Variants in ADAMTS2 observed in about 807,000 individuals in gnomAD.
ADAMTS2 encodes the protein A disintegrin and metalloproteinase with thrombospondin motifs 2.
In ADAMTS2, 50 loss-of-function variants were observed where a neutral mutation model predicts 123.0. The observed-to-expected ratio is 0.41, with a 90% confidence interval of 0.32 to 0.51. ADAMTS2 has a LOEUF of 0.51. Ranked by LOEUF, ADAMTS2 falls within the 20% of genes least tolerant of loss-of-function variation. The pLI, the probability that ADAMTS2 is intolerant of heterozygous loss-of-function variation, is 0.35. For missense variants in ADAMTS2, 1,494 were observed against 1,705.2 expected (o/e 0.88, Z 2.18); for synonymous variants, 678 against 695.4 (o/e 0.98, Z 0.39).
intron 3 of ADAMTS2, among the ~76,000 whole-genome samples, chr5:179,270,765 CACGTGGGA>C (rs1766510062): frequency 1.3e-5 from 2 of 152,264 alleles, no homozygotes; most frequent in South Asian, 4.1e-4. Flanking sequence ...AGCCCAGGGC[CACGTGGGA>C]ACGATTAGGT....
intron 4 of ADAMTS2, 38 bp downstream of exon 4, chr5:179,207,475 T>TCCCCCCCCCCCCCCCCCCCCCCCCCCC: frequency 1.7e-6 from 1 of 588,616 alleles, no homozygotes; most frequent in Non-Finnish European, 3.2e-6. Context: ...TGGTTGACCC[T>TCCCCCCCCCCCCCCCCCCCCCCCCCCC]CCCCGCCCCA....
intron 5 of ADAMTS2, among the ~76,000 whole-genome samples, chr5:179,174,090 T>C (rs775288373): frequency 6.6e-5 from 10 of 152,066 alleles, no homozygotes; most frequent in Non-Finnish European, 1.2e-4. Context: ...CCTTAGAATA[T>C]CTGTACTCAT....
intron 10 of ADAMTS2, among the ~76,000 whole-genome samples, chr5:179,149,217 G>A (rs1443457157): frequency 2.0e-5 from 3 of 152,206 alleles, no homozygotes; most frequent in Non-Finnish European, 2.9e-5. Flanking sequence ...CTCATGAGTG[G>A]GACTGATGTC....
intron 2 of ADAMTS2, among the ~76,000 whole-genome samples, chr5:179,327,338 G>A (rs1486237849): frequency 2.6e-5 from 4 of 151,998 alleles, no homozygotes; most frequent in African/African-American, 4.8e-5. Flanking sequence ...TCTCCAGGTT[G>A]TACCACCGAA....
At position 179,180,914 on chromosome 5, in the gene ADAMTS2, A is replaced by T. The variant is rs555992756; in HGVS notation, c.975+158T>A. ...CATTTTAAAACAAGGGGTGAAAGGGAGCAGGGATCTTGTTTCTTATAGGAA... is the reference window on the plus strand; with the variant it reads ...CATTTTAAAACAAGGGGTGAAAGGGTGCAGGGATCTTGTTTCTTATAGGAA... On this transcript the variant is annotated intron_variant, in intron 5 of 21. Transcript: ENST00000251582. The surrounding 1 kb of genome is among the most constrained non-coding windows in gnomAD (Gnocchi z 4.6). 6.6e-6 allele frequency among the ~76,000 whole-genome samples: 1 copy of T among 152,254 alleles called. No individual in the cohort carries two copies. The highest frequency in any genetic ancestry group is 1.9e-4 in the East Asian group (1 of 5,168).
At position 179,245,772 on chromosome 5, in the gene ADAMTS2, A is replaced by AC. The variant is rs1561628327; in HGVS notation, c.688+27138_688+27139insG. Among the ~76,000 whole-genome samples, 11 of 121,332 alleles carry AC rather than the reference A, an allele frequency of 9.1e-5. 1 individual carries two copies. The highest frequency in any genetic ancestry group is 3.0e-4 in the African/African-American group (10 of 33,568). 79.6% of individuals were successfully genotyped at this position (121,332 alleles called of 152,430 possible). A position where few individuals can be genotyped will look rare whatever the true frequency, so the allele number is the denominator to read the frequency against. On this transcript the variant is annotated intron_variant, in intron 3 of 21. Coordinates refer to ENST00000251582, the MANE Select transcript of ADAMTS2 (RefSeq NM_014244.5). ...CAGAGCGAGACTCCGTCTCAAAAAA[A>AC]AAAAAAAAAAAAAAAAAAAAAAACA...
chr5:179,122,422 C>G (rs1762779344), intron 20 of ADAMTS2, among the ~76,000 whole-genome samples: 1 of 152,198 alleles, frequency 6.6e-6, no homozygotes, highest in African/African-American at 2.4e-5. Context: ...TCTGCAGTGC[C>G]CTGAAAGCAG....
intron 3 of ADAMTS2, among the ~76,000 whole-genome samples, chr5:179,268,818 G>T (rs926631744): frequency 2.0e-5 from 3 of 152,218 alleles, no homozygotes; most frequent in Non-Finnish European, 2.9e-5. Flanking sequence ...TCCTCCGCGT[G>T]ACCCAGACGG....
intron 5 of ADAMTS2, among the ~76,000 whole-genome samples, chr5:179,169,613 T>C (rs2113289249): frequency 6.6e-6 from 1 of 152,208 alleles, no homozygotes; most frequent in South Asian, 2.1e-4. Context: ...ATGGGGTGTG[T>C]TTCCCACCTC....
chr5:179,208,752 G>A (rs953440818), intron 3 of ADAMTS2, among the ~76,000 whole-genome samples: 1 of 152,044 alleles, frequency 6.6e-6, no homozygotes, highest in African/African-American at 2.4e-5. Context: ...CCAGTGTCCT[G>A]GAAGCCCCCT....
chr5:179,325,288 G>A (rs1757283086), intron 2 of ADAMTS2, among the ~76,000 whole-genome samples: 1 of 152,192 alleles, frequency 6.6e-6, no homozygotes, highest in Non-Finnish European at 1.5e-5. Context: ...CCTCAAAGTG[G>A]AGGAGCCATG....
intron 18 of ADAMTS2, 152 bp downstream of exon 18, chr5:179,125,846 G>T: frequency 1.6e-6 from 2 of 1,219,226 alleles, no homozygotes; most frequent in South Asian, 1.3e-5. Context: ...CTTCTGCCCT[G>T]CAGCATCTTA....
At chr5:179,196,087 C>T (rs904425793) in intron 4 of ADAMTS2, among the ~76,000 whole-genome samples, 1 of 152,188 alleles carries the variant, frequency 6.6e-6, no homozygotes, top group African/African-American at 2.4e-5. Context: ...CGCCACCATG[C>T]GGTCTCAGCA....
chr5:179,166,836 T>A (rs1763709964), intron 5 of ADAMTS2, among the ~76,000 whole-genome samples: 1 of 152,140 alleles, frequency 6.6e-6, no homozygotes, highest in South Asian at 2.1e-4. Flanking sequence ...ACGCCTGCCC[T>A]CAGTAGCCCC....
Position 179,137,797 on chromosome 5 carries a change from G to A in ADAMTS2, c.1923C>T (p.His641=), listed in dbSNP as rs2113218407. Residue 641 remains histidine, a synonymous_variant, in exon 12 of 22, where the codon CAC becomes CAT. Coordinates refer to ENST00000251582, the MANE Select transcript of ADAMTS2 (RefSeq NM_014244.5). ...DLYFEHGDAQ[H]HWLPHEHRDA... ...CCCGGTGCTCGTGGGGCAGCCAGTG[G>A]TGCTGGGCGTCGCCGTGCTCGAAGT... 6.3e-7 allele frequency: 1 copy of A among 1,579,144 alleles called. No homozygotes were observed. The highest frequency in any genetic ancestry group is 8.6e-7 in the Non-Finnish European group (1 of 1,164,924).
rs1218029446 is a variant in ADAMTS2 at position 179,332,057 on chromosome 5, TC to T, written c.534+11709del. Reference sequence around the variant, plus strand: ...GGGTCCCACAACTCCCTCCTCAGGTTCTGTAATTTGCTATTAGGTTGGTGCA... The same window carrying T: ...GGGTCCCACAACTCCCTCCTCAGGTTTGTAATTTGCTATTAGGTTGGTGCA... On this transcript the variant is annotated intron_variant, in intron 2 of 21. Coordinates refer to ENST00000251582, the MANE Select transcript of ADAMTS2 (RefSeq NM_014244.5). The surrounding 1 kb of genome is among the most constrained non-coding windows in gnomAD (Gnocchi z 4.2). Among the ~76,000 whole-genome samples, 3 of 152,240 alleles carry T rather than the reference TC, an allele frequency of 2.0e-5. No homozygotes were observed. Among genetic ancestry groups the T allele is most frequent in the Non-Finnish European group, 4.4e-5 (3 of 68,042 alleles).
At position 179,197,591 on chromosome 5, in the gene ADAMTS2, G is replaced by C. The variant is rs1451354878; in HGVS notation, c.891+9922C>G. Among the ~76,000 whole-genome samples the C allele has an allele frequency of 6.6e-6, 1 of 152,110 alleles. No individual in the cohort carries two copies. The highest frequency in any genetic ancestry group is 2.4e-5 in the African/African-American group (1 of 41,422). ...AACAAATCTTTAAAAAATGAGTCAG[G>C]CATGGTGGTGTGTGCCTGTAGTCCC... On this transcript the variant is annotated intron_variant, in intron 4 of 21. Transcript: ENST00000251582. This position sits in a 1 kb window ranked among gnomAD's most constrained non-coding sequence, Gnocchi z 4.2.
At position 179,133,328 on chromosome 5, in the gene ADAMTS2, T is replaced by C. The variant is rs1762998757; in HGVS notation, c.2086-428A>G. ...TGTCGCCCAGGCTGGAGTACAATGGTGCAATCTCAGCTCACTGCAACCTCT... is the reference window on the plus strand; with the variant it reads ...TGTCGCCCAGGCTGGAGTACAATGGCGCAATCTCAGCTCACTGCAACCTCT... On this transcript the variant is annotated intron_variant, in intron 13 of 21. Transcript: ENST00000251582. Among the ~76,000 whole-genome samples the C allele has an allele frequency of 2.0e-5, 3 of 152,034 alleles. No individual in the cohort carries two copies. The South Asian group carries it at 6.2e-4, about 32-fold the overall frequency.
rs1418952720 is a variant in ADAMTS2, at chr5:179,225,922, C to T, written c.689-18207G>A. Among the ~76,000 whole-genome samples the T allele has an allele frequency of 3.3e-5, 5 of 152,222 alleles. No homozygotes were observed. The highest frequency in any genetic ancestry group is 7.2e-5 in the African/African-American group (3 of 41,454). The stretch of plus-strand genomic sequence containing the variant: ...GTCTAACTGAGCTGGTTAACACAAG[C>T]CGCCTACAGACAGCTAAAGTAAAAG... On this transcript the variant is annotated intron_variant, in intron 3 of 21. Transcript: ENST00000251582. This position sits in a 1 kb window ranked among gnomAD's most constrained non-coding sequence, Gnocchi z 4.5.
Sources: gnomAD v4.1 joint callset for allele counts (sites outside exome capture counted in the v4.1 genomes callset) on GRCh38, gnomAD v4.1.1 for gene constraint, Gnocchi (gnomAD v3.1) non-coding constraint, MANE v1.5 for transcripts, NCBI Gene and HGNC (gene_info 2026-07-23, HGNC 2026-07-21) for gene names.